Variants in ENTREP1 observed in about 807,000 individuals in gnomAD.
ENTREP1 encodes Friedreich ataxia region gene X123.
At chr9:69,338,908 A>G in the ENTREP1 span, among the ~76,000 whole-genome samples, 1 of 152,244 alleles carries the variant, frequency 6.6e-6, no homozygotes, top group Non-Finnish European at 1.5e-5. Flanking sequence ...ATTAGCATCA[A>G]TTTATAAAGA....
At chr9:69,360,348 A>C in the ENTREP1 span, among the ~76,000 whole-genome samples, 2 of 152,162 alleles carry the variant, frequency 1.3e-5, no homozygotes, top group African/African-American at 4.8e-5. Flanking sequence ...TTTCTCTGTT[A>C]CATTTCGCCC....
the ENTREP1 span, among the ~76,000 whole-genome samples, chr9:69,366,007 T>C: frequency 6.6e-6 from 1 of 152,190 alleles, no homozygotes; most frequent in Non-Finnish European, 1.5e-5. Context: ...CAGGAATCCC[T>C]TTGATATACT....
the ENTREP1 span, among the ~76,000 whole-genome samples, chr9:69,364,379 C>A: frequency 0.81 from 123,123 of 151,498 alleles, 50,099 homozygotes; most frequent in South Asian, 0.88. Context: ...AACTCCGATC[C>A]CCTGCAATGA....
chr9:69,339,853 C>T, the ENTREP1 span, among the ~76,000 whole-genome samples: 4 of 152,232 alleles, frequency 2.6e-5, no homozygotes, highest in African/African-American at 4.8e-5. Context: ...CCTGACCACT[C>T]TGATTGCTGT....
the ENTREP1 span, among the ~76,000 whole-genome samples, chr9:69,332,863 C>T: frequency 1.3e-5 from 2 of 152,190 alleles, no homozygotes; most frequent in Admixed American, 1.3e-4. Context: ...TAGATGTTTA[C>T]TGCAGCATTG....
chr9:69,338,850 A>G, the ENTREP1 span, among the ~76,000 whole-genome samples: 1 of 152,200 alleles, frequency 6.6e-6, no homozygotes, highest in Non-Finnish European at 1.5e-5. Context: ...TTTGGCTGCT[A>G]TGAGTTATGT....
the ENTREP1 span, among the ~76,000 whole-genome samples, chr9:69,360,708 C>T: frequency 3.9e-5 from 6 of 152,122 alleles, no homozygotes; most frequent in Non-Finnish European, 7.3e-5. Context: ...ATGTTACTAT[C>T]ATCTTTATCA....
the ENTREP1 span, among the ~76,000 whole-genome samples, chr9:69,364,925 G>A: frequency 2.0e-5 from 3 of 152,132 alleles, no homozygotes; most frequent in South Asian, 6.2e-4. Context: ...GTACTTGGCA[G>A]CCCCTCCAGT....
At chr9:69,341,185 A>AT in the ENTREP1 span, among the ~76,000 whole-genome samples, 16 of 151,168 alleles carry the variant, frequency 1.1e-4, no homozygotes, top group South Asian at 4.2e-4. Context: ...GAGTTTTGTT[A>AT]TTTTTTTTTC....
chr9:69,389,943 G>A, the ENTREP1 span, among the ~76,000 whole-genome samples: 1 of 152,214 alleles, frequency 6.6e-6, no homozygotes, highest in East Asian at 1.9e-4. Flanking sequence ...CTAGAGGTGA[G>A]CTTTCACAAT....
chr9:69,351,086 G>A, the ENTREP1 span, among the ~76,000 whole-genome samples: 4 of 152,142 alleles, frequency 2.6e-5, no homozygotes, highest in Admixed American at 2.6e-4. Flanking sequence ...GTACTCCAAA[G>A]CCATGAACTG....
chr9:69,353,274 T>C, the ENTREP1 span, among the ~76,000 whole-genome samples: 2 of 152,252 alleles, frequency 1.3e-5, no homozygotes, highest in African/African-American at 4.8e-5. Context: ...TACTTCTGCA[T>C]CTTTGAAAGT....
At chr9:69,375,733 A>G in the ENTREP1 span, 1 of 1,610,038 alleles carries the variant, frequency 6.2e-7, no homozygotes, top group South Asian at 1.1e-5. Flanking sequence ...TTCCTCCGTT[A>G]AGGTGGACTT....
At chr9:69,347,372 G>T in the ENTREP1 span, among the ~76,000 whole-genome samples, 1 of 152,142 alleles carries the variant, frequency 6.6e-6, no homozygotes. Context: ...CTCCCTGCCC[G>T]TTACCTTCCC....
the ENTREP1 span, among the ~76,000 whole-genome samples, chr9:69,327,899 G>C: frequency 1.4e-5 from 2 of 147,938 alleles, no homozygotes; most frequent in African/African-American, 5.0e-5. Flanking sequence ...AGTGACAACA[G>C]AAGCAGTAGA....
At chr9:69,367,768 T>TATATAAATATATATACACAC in the ENTREP1 span, among the ~76,000 whole-genome samples, 1 of 106,906 alleles carries the variant, frequency 9.4e-6, no homozygotes, top group African/African-American at 3.5e-5. Context: ...TATATACACA[T>TATATAAATATATATACACAC]ATATATAAAT....
At chr9:69,371,011 A>G in the ENTREP1 span, among the ~76,000 whole-genome samples, 1 of 152,144 alleles carries the variant, frequency 6.6e-6, no homozygotes, top group South Asian at 2.1e-4. Context: ...ATTCTTTAGT[A>G]CCTAAAGTGT....
chr9:69,325,153 G>A, the ENTREP1 span: 1 of 1,039,560 alleles, frequency 9.6e-7, no homozygotes, highest in African/African-American at 1.7e-5. Context: ...GGCAGCGGCG[G>A]CAGCAAGTGG....
the ENTREP1 span, among the ~76,000 whole-genome samples, chr9:69,340,687 G>GTGTGTGCATGCA: frequency 7.1e-6 from 1 of 141,196 alleles, no homozygotes; most frequent in Non-Finnish European, 1.5e-5. Flanking sequence ...GCATGCATGT[G>GTGTGTGCATGCA]TGTGTGTATG....
Sources: allele counts gnomAD v4.1 joint callset (sites outside exome capture counted in the v4.1 genomes callset), GRCh38; gene constraint gnomAD v4.1.1; transcripts MANE v1.5; gene names NCBI Gene and HGNC (gene_info 2026-07-23, HGNC 2026-07-21).